The following DCC variants were observed in gnomAD, a reference collection of about 807,000 sequenced individuals.
DCC encodes DCC netrin 1 receptor, also known as netrin receptor DCC.
In DCC, 58 loss-of-function variants were observed where a neutral mutation model predicts 172.5. The observed-to-expected ratio is 0.34, with a 90% confidence interval of 0.27 to 0.42. The LOEUF (loss-of-function observed/expected upper bound fraction) is 0.42, where lower values mean the gene tolerates loss of function less well. DCC is among the 10% of genes least tolerant of loss of function. The pLI, the probability that DCC is intolerant of heterozygous loss-of-function variation, is 1.00. For synonymous variants in DCC, 709 were observed against 644.5 expected, an observed-to-expected ratio of 1.10 and a Z score of -1.52; for missense variants, 1,740 against 1,791.0, an observed-to-expected ratio of 0.97 and a Z score of 0.51.
intron 2 of DCC, among the ~76,000 whole-genome samples, chr18:52,874,720 A>G (rs2039376243): frequency 6.6e-6 from 1 of 152,184 alleles, no homozygotes; most frequent in Non-Finnish European, 1.5e-5. Flanking sequence ...TACAGCCACA[A>G]GAGGAGACAG....
chr18:53,530,299 G>A, intron 28 of DCC: 1 of 702,372 alleles, frequency 1.4e-6, no homozygotes, highest in East Asian at 2.7e-5. Flanking sequence ...GGGAGAACTT[G>A]ATTTGAAACC....
chr18:52,625,655 A>G (rs528149464), intron 1 of DCC, among the ~76,000 whole-genome samples: 191 of 152,208 alleles, frequency 1.3e-3, no homozygotes, highest in Middle Eastern at 6.8e-3. Context: ...CACCACAGAC[A>G]TCTCCTTAAT....
intron 12 of DCC, among the ~76,000 whole-genome samples, chr18:53,228,877 G>A (rs75671239): frequency 0.026 from 3,881 of 152,156 alleles, 161 homozygotes; most frequent in African/African-American, 0.087. Context: ...ATTAGTTGCA[G>A]TGTTATCTGA....
chr18:53,112,646 A>C (rs531557761), intron 7 of DCC, among the ~76,000 whole-genome samples: 2 of 151,624 alleles, frequency 1.3e-5, no homozygotes, highest in Admixed American at 6.6e-5. Context: ...GGACCTTGAG[A>C]CATGTTTTTT....
chr18:52,691,508 G>A (rs563738642), intron 1 of DCC, among the ~76,000 whole-genome samples: 2 of 152,036 alleles, frequency 1.3e-5, no homozygotes, highest in African/African-American at 4.8e-5. Flanking sequence ...CCAGATTCTG[G>A]TGATTTTGGC....
intron 7 of DCC, among the ~76,000 whole-genome samples, chr18:53,104,793 T>C (rs982893070): frequency 6.6e-6 from 1 of 152,010 alleles, no homozygotes; most frequent in African/African-American, 2.4e-5. Context: ...GGTTCAGTGA[T>C]CTTGTTAAGT....
intron 2 of DCC, among the ~76,000 whole-genome samples, chr18:52,849,015 G>A (rs2038935825): frequency 6.6e-6 from 1 of 152,104 alleles, no homozygotes; most frequent in Non-Finnish European, 1.5e-5. Flanking sequence ...ATATTACTGA[G>A]CCTGAAACAC....
At chr18:53,404,587 C>T (rs1262246807) in intron 19 of DCC, among the ~76,000 whole-genome samples, 3 of 151,892 alleles carry the variant, frequency 2.0e-5, no homozygotes, top group South Asian at 2.1e-4. Flanking sequence ...AAAAATTAGC[C>T]GGGCGTGGTG....
intron 27 of DCC, among the ~76,000 whole-genome samples, chr18:53,504,692 G>A (rs1330010765): frequency 6.6e-6 from 1 of 152,160 alleles, no homozygotes; most frequent in Non-Finnish European, 1.5e-5. Flanking sequence ...TAATAAATTA[G>A]TATTTCCTCT....
At chr18:53,473,433 C>CT (rs979399756) in intron 25 of DCC, among the ~76,000 whole-genome samples, 2 of 152,044 alleles carry the variant, frequency 1.3e-5, no homozygotes, top group South Asian at 2.1e-4. Context: ...TTGGAGAGCT[C>CT]TTTTTTTGTC....
chr18:53,066,241 T>A (rs955741672), intron 7 of DCC, 75 bp downstream of exon 7: 20 of 1,456,204 alleles, frequency 1.4e-5, no homozygotes, highest in Admixed American at 3.4e-5. Flanking sequence ...TCCATATTGT[T>A]TTTCCTACCC....
intron 1 of DCC, among the ~76,000 whole-genome samples, chr18:52,734,154 T>G (rs1443785284): frequency 6.6e-6 from 1 of 152,112 alleles, no homozygotes; most frequent in East Asian, 1.9e-4. Context: ...TTTTTATTTT[T>G]TAAACTTCCA....
chr18:53,375,737 C>A (rs916899256), intron 15 of DCC, among the ~76,000 whole-genome samples: 1 of 150,810 alleles, frequency 6.6e-6, no homozygotes, highest in South Asian at 2.1e-4. Flanking sequence ...TCATTAAGTG[C>A]TCCACTTGTG....
At chr18:53,235,260 A>G (rs1044059350) in intron 12 of DCC, among the ~76,000 whole-genome samples, 24 of 152,168 alleles carry the variant, frequency 1.6e-4, no homozygotes, top group Non-Finnish European at 2.6e-4. Flanking sequence ...CCAATAACTT[A>G]TAATTAAAAG....
At chr18:52,945,107 T>C (rs1486099631) in intron 5 of DCC, among the ~76,000 whole-genome samples, 1 of 152,196 alleles carries the variant, frequency 6.6e-6, no homozygotes, top group East Asian at 1.9e-4. Context: ...CAGTCACACA[T>C]TCCTGCTAGA....
At position 52,530,237 on chromosome 18, in the gene DCC, A is replaced by C. The variant is rs1231607794; in HGVS notation, c.91+189359A>C. Among the ~76,000 whole-genome samples, 15 of 152,298 alleles carry C rather than the reference A, an allele frequency of 9.8e-5. No individual in the cohort carries two copies. In the East Asian group the frequency reaches 2.9e-3, roughly 29 times the overall value. Reference sequence around the variant, plus strand: ...CTTCAAGGAATGGTACATGTTTTACACACACACGCACACACACAAACACAC... The same window carrying C: ...CTTCAAGGAATGGTACATGTTTTACCCACACACGCACACACACAAACACAC... On this transcript the variant is annotated intron_variant, in intron 1 of 28. Transcript: ENST00000442544.
At position 52,388,985 on chromosome 18, in the gene DCC, C is replaced by G. The variant is rs545705308; in HGVS notation, c.91+48107C>G. The stretch of plus-strand genomic sequence containing the variant: ...TTCAGGACCGAGGATAGCCATTCAT[C>G]AAAAACTATGTCTTCTGCTGGGTGT... On this transcript the variant is annotated intron_variant, in intron 1 of 28. Transcript: ENST00000442544. 6.1e-4 allele frequency among the ~76,000 whole-genome samples: 93 copies of G among 152,230 alleles called. 3 individuals carry two copies. The South Asian group carries it at 0.018, about 30-fold the overall frequency.
intron 2 of DCC, among the ~76,000 whole-genome samples, chr18:52,753,858 T>A (rs1160726565): frequency 6.6e-6 from 1 of 152,152 alleles, no homozygotes; most frequent in African/African-American, 2.4e-5. Context: ...GAAGAATCAG[T>A]TTTTTTACTT....
chr18:53,483,178 T>G (rs188359809), intron 25 of DCC, among the ~76,000 whole-genome samples: 16 of 152,120 alleles, frequency 1.1e-4, no homozygotes, highest in Non-Finnish European at 1.9e-4. Context: ...CTGATTCTTT[T>G]TAAAAGTTTC....
Sources: gnomAD v4.1 joint callset for allele counts (sites outside exome capture counted in the v4.1 genomes callset) on GRCh38, gnomAD v4.1.1 for gene constraint, MANE v1.5 for transcripts, NCBI Gene and HGNC (gene_info 2026-07-23, HGNC 2026-07-21) for gene names.